The following GALNT13 variants were observed in gnomAD, a reference collection of about 807,000 sequenced individuals.
GALNT13 encodes polypeptide N-acetylgalactosaminyltransferase 13.
A neutral mutation model predicts 64.2 loss-of-function variants in GALNT13; 28 were observed. The ratio of observed to expected loss-of-function variants is 0.44; its 90% CI spans 0.32 to 0.60. The LOEUF is 0.60. Ranked by LOEUF, GALNT13 falls within the 20% of genes least tolerant of loss-of-function variation. The pLI is 0.05. For missense variants in GALNT13, 577 were observed against 669.8 expected, an observed-to-expected ratio of 0.86 and a Z score of 1.53; for synonymous variants, 214 against 224.6, an observed-to-expected ratio of 0.95 and a Z score of 0.42.
At chr2:153,550,337 T>G in the GALNT13 span, among the ~76,000 whole-genome samples, 2 of 151,542 alleles carry the variant, frequency 1.3e-5, no homozygotes, top group East Asian at 3.9e-4. Flanking sequence ...CGAGTTCAAG[T>G]GATTCTCATG....
intron 4 of GALNT13, among the ~76,000 whole-genome samples, chr2:154,152,562 G>A (rs1684110761): frequency 6.6e-6 from 1 of 152,036 alleles, no homozygotes; most frequent in Non-Finnish European, 1.5e-5. Flanking sequence ...TCACTTTCAG[G>A]TACACCAATC....
chr2:153,159,371 A>G, the GALNT13 span: 1 of 152,474 alleles, frequency 6.6e-6, no homozygotes, highest in African/African-American at 2.4e-5. Context: ...CGCTTCCATC[A>G]AACAAATCCA....
chr2:153,101,720 A>C, the GALNT13 span, among the ~76,000 whole-genome samples: 2 of 152,238 alleles, frequency 1.3e-5, no homozygotes, highest in African/African-American at 4.8e-5. Flanking sequence ...AAAATAGGCA[A>C]ACACAAAGAA....
At chr2:154,225,160 T>TA (rs1553499132) in intron 4 of GALNT13, among the ~76,000 whole-genome samples, 18,418 of 135,940 alleles carry the variant, frequency 0.14, 1,443 homozygotes, top group African/African-American at 0.15. Context: ...GATAGATAGA[T>TA]GATAGATAGA....
At chr2:154,212,228 G>A (rs916422076) in intron 4 of GALNT13, among the ~76,000 whole-genome samples, 1 of 151,850 alleles carries the variant, frequency 6.6e-6, no homozygotes, top group Non-Finnish European at 1.5e-5. Context: ...AGGGGGTAGC[G>A]TTTTGAAGAA....
At chr2:154,228,679 G>A (rs1435376968) in intron 4 of GALNT13, among the ~76,000 whole-genome samples, 1 of 152,112 alleles carries the variant, frequency 6.6e-6, no homozygotes, top group Non-Finnish European at 1.5e-5. Flanking sequence ...TAAAACTAGG[G>A]GTTTTTATAG....
the GALNT13 span, among the ~76,000 whole-genome samples, chr2:153,678,326 C>T: frequency 6.6e-6 from 1 of 151,920 alleles, no homozygotes; most frequent in Admixed American, 6.6e-5. Context: ...GGTACATATA[C>T]CCATGGAATT....
the GALNT13 span, among the ~76,000 whole-genome samples, chr2:153,124,009 T>A: frequency 6.6e-5 from 10 of 152,192 alleles, no homozygotes; most frequent in Non-Finnish European, 1.5e-4. Flanking sequence ...GAGTTCTATC[T>A]TGTTCACTCA....
chr2:153,730,843 T>C, the GALNT13 span, among the ~76,000 whole-genome samples: 1 of 151,926 alleles, frequency 6.6e-6, no homozygotes, highest in Non-Finnish European at 1.5e-5. Context: ...CAGTGAGATA[T>C]TATCTTACAC....
At chr2:153,151,886 C>T in the GALNT13 span, among the ~76,000 whole-genome samples, 8 of 151,844 alleles carry the variant, frequency 5.3e-5, no homozygotes, top group African/African-American at 1.7e-4. Flanking sequence ...TGTTAAATGA[C>T]GAGTTACTGG....
At chr2:154,169,678 C>A (rs1280951694) in intron 4 of GALNT13, among the ~76,000 whole-genome samples, 3 of 152,152 alleles carry the variant, frequency 2.0e-5, no homozygotes, top group Non-Finnish European at 4.4e-5. Flanking sequence ...TCAATTTAGG[C>A]AGTTTTCAAA....
chr2:153,497,188 C>G, the GALNT13 span, among the ~76,000 whole-genome samples: 1 of 152,008 alleles, frequency 6.6e-6, no homozygotes, highest in Non-Finnish European at 1.5e-5. Context: ...CTGTGGAATT[C>G]TTTTCTGCTA....
chr2:154,106,226 T>G (rs1038737237), intron 3 of GALNT13, among the ~76,000 whole-genome samples: 5 of 152,222 alleles, frequency 3.3e-5, no homozygotes, highest in Admixed American at 2.0e-4. Flanking sequence ...TGGATCATGC[T>G]TTTGTTGGTA....
the GALNT13 span, among the ~76,000 whole-genome samples, chr2:153,437,197 G>A: frequency 1.3e-5 from 2 of 152,104 alleles, no homozygotes; most frequent in Admixed American, 6.5e-5. Flanking sequence ...CAGACAGTTT[G>A]TTATAATTTC....
chr2:153,257,035 G>A, the GALNT13 span, among the ~76,000 whole-genome samples: 1 of 152,210 alleles, frequency 6.6e-6, no homozygotes, highest in African/African-American at 2.4e-5. Flanking sequence ...GCAATGGCGG[G>A]CGCCCCTCCG....
intron 9 of GALNT13, among the ~76,000 whole-genome samples, chr2:154,341,614 G>A (rs1198262873): frequency 6.6e-6 from 1 of 152,052 alleles, no homozygotes; most frequent in Admixed American, 6.6e-5. Context: ...CAGACAGTTG[G>A]GGAAGAAGGA....
chr2:153,391,637 A>G, the GALNT13 span, among the ~76,000 whole-genome samples: 8 of 152,102 alleles, frequency 5.3e-5, no homozygotes, highest in Non-Finnish European at 1.0e-4. Context: ...TCTAAACCCC[A>G]TGATCTCCTT....
chr2:153,602,674 A>G, the GALNT13 span, among the ~76,000 whole-genome samples: 1 of 151,826 alleles, frequency 6.6e-6, no homozygotes, highest in Non-Finnish European at 1.5e-5. Context: ...GAAAATGAGG[A>G]CAACCAGATT....
the GALNT13 span, among the ~76,000 whole-genome samples, chr2:153,641,407 T>G: frequency 6.6e-6 from 1 of 152,240 alleles, no homozygotes; most frequent in African/African-American, 2.4e-5. Flanking sequence ...TTTATTGGTT[T>G]ATAAAAATAT....
Sources: gnomAD v4.1 joint callset for allele counts (sites outside exome capture counted in the v4.1 genomes callset) on GRCh38, gnomAD v4.1.1 for gene constraint, MANE v1.5 for transcripts, NCBI Gene and HGNC (gene_info 2026-07-23, HGNC 2026-07-21) for gene names.